RHBDL3: variants seen among roughly 807,000 people sequenced by gnomAD.
The protein encoded by RHBDL3 is rhomboid like 3.
In RHBDL3, 28 loss-of-function variants were observed where a neutral mutation model predicts 48.2. The ratio of observed to expected loss-of-function variants is 0.58; its 90% CI spans 0.43 to 0.80. The LOEUF is 0.80. Ranked by LOEUF, RHBDL3 falls within the 30% of genes least tolerant of loss-of-function variation. RHBDL3 has a pLI of 0.00. For synonymous variants in RHBDL3, 208 were observed against 232.3 expected, an observed-to-expected ratio of 0.90 and a Z score of 0.95; for missense variants, 464 against 542.7, an observed-to-expected ratio of 0.85 and a Z score of 1.44.
intron 8 of RHBDL3, among the ~76,000 whole-genome samples, chr17:32,319,118 T>A (rs1465198085): frequency 6.6e-6 from 1 of 150,460 alleles, no homozygotes; most frequent in East Asian, 1.9e-4. Flanking sequence ...ACGAGTCTTG[T>A]TGTTTAAAAA....
chr17:32,298,505 A>G (rs2040508083), intron 6 of RHBDL3, among the ~76,000 whole-genome samples: 1 of 152,208 alleles, frequency 6.6e-6, no homozygotes, highest in Admixed American at 6.5e-5. Context: ...AGCTTGGGGA[A>G]ATTTCCTAAC....
At chr17:32,300,644 A>G (rs1319459525) in intron 6 of RHBDL3, among the ~76,000 whole-genome samples, 5 of 152,176 alleles carry the variant, frequency 3.3e-5, no homozygotes, top group Non-Finnish European at 5.9e-5. Flanking sequence ...AGTGTTTCCA[A>G]TCCACACTTT....
chr17:32,294,274 ACTCT>A lies in RHBDL3; in HGVS notation c.520-13_520-10del, dbSNP rs1490375909. On this transcript the variant is annotated splice_polypyrimidine_tract_variant and intron_variant, in intron 4 of 8. Coordinates refer to ENST00000269051, the MANE Select transcript of RHBDL3 (RefSeq NM_138328.3). Reference sequence around the variant, plus strand: ...CTGGGCAGTGTGCACCTAGTAACAGACTCTCTCTCTTCTGTCCAGGTTGCCTTTT... The same window carrying A: ...CTGGGCAGTGTGCACCTAGTAACAGACTCTCTTCTGTCCAGGTTGCCTTTT... 3 of 1,609,930 alleles carry A rather than the reference ACTCT, an allele frequency of 1.9e-6. No homozygotes were observed. The highest frequency in any genetic ancestry group is 1.1e-5 in the South Asian group (1 of 90,434).
Position 32,321,029 on chromosome 17 carries a change from AGCTTTGT to A in RHBDL3, c.1017_1023del (p.Ser339ArgfsTer18). 1 of 1,614,174 alleles carries A rather than the reference AGCTTTGT, an allele frequency of 6.2e-7. No individual in the cohort carries two copies. Among genetic ancestry groups the A allele is most frequent in the South Asian group, 1.1e-5 (1 of 91,086 alleles). On this transcript the variant is annotated frameshift_variant, in exon 9 of 9. Transcript: ENST00000269051. LOFTEE classifies it high-confidence loss of function. The stretch of plus-strand genomic sequence containing the variant: ...GGCCTATCCCCCGTGCCCTCACCCA[AGCTTTGT>A]GGCGCACTTGGGTGGCGTGGCCGTG...
At chr17:32,286,182 A>G (rs1291816226) in intron 3 of RHBDL3, among the ~76,000 whole-genome samples, 2 of 152,212 alleles carry the variant, frequency 1.3e-5, no homozygotes. Context: ...ATCCACAGCC[A>G]CAGCCCCAGC....
chr17:32,278,768 A>G (rs1489062481), intron 2 of RHBDL3, among the ~76,000 whole-genome samples: 1 of 152,178 alleles, frequency 6.6e-6, no homozygotes, highest in Non-Finnish European at 1.5e-5. Context: ...TGTGAGATTT[A>G]AATAGGGGGG....
intron 6 of RHBDL3, among the ~76,000 whole-genome samples, chr17:32,302,038 A>G (rs548669601): frequency 2.0e-5 from 3 of 152,238 alleles, no homozygotes; most frequent in Non-Finnish European, 4.4e-5. Flanking sequence ...TGCAGGATAC[A>G]GAATTTGTAA....
chr17:32,276,834 C>A (rs74511107), intron 2 of RHBDL3, among the ~76,000 whole-genome samples: 10 of 52,482 alleles, frequency 1.9e-4, no homozygotes, highest in African/African-American at 1.6e-3. Flanking sequence ...GCCCTAGCAC[C>A]TTACTCCGGC....
chr17:32,315,697 C>T (rs2040954517), intron 7 of RHBDL3, among the ~76,000 whole-genome samples: 1 of 151,784 alleles, frequency 6.6e-6, no homozygotes, highest in Non-Finnish European at 1.5e-5. Context: ...AGTTTTCATC[C>T]ATTGCATCTT....
At chr17:32,267,989 G>GAAATCGGTCTCAGTCTC in intron 2 of RHBDL3, 64 bp downstream of exon 2, 1 of 1,248,882 alleles carries the variant, frequency 8.0e-7, no homozygotes, top group Non-Finnish European at 1.2e-6. Flanking sequence ...CAGTCTCCCT[G>GAAATCGGTCTCAGTCTC]CTTGCGTGGG....
At chr17:32,320,115 AT>A (rs980137497) in intron 8 of RHBDL3, among the ~76,000 whole-genome samples, 20 of 150,242 alleles carry the variant, frequency 1.3e-4, no homozygotes, top group South Asian at 4.3e-4. Context: ...AAAAAAAAAA[AT>A]TTTTTTTTTA....
At chr17:32,272,836 A>G (rs937827437) in intron 2 of RHBDL3, among the ~76,000 whole-genome samples, 1 of 152,160 alleles carries the variant, frequency 6.6e-6, no homozygotes, top group Non-Finnish European at 1.5e-5. Flanking sequence ...CTCTGCATGC[A>G]TTGTCTTGGG....
chr17:32,294,165 T>G (rs1597653015), intron 4 of RHBDL3, 129 bp from the exon 5 acceptor site: 4 of 643,976 alleles, frequency 6.2e-6, no homozygotes, highest in East Asian at 3.1e-5. Context: ...GCCCTGGCTG[T>G]GGGGTATCCC....
intron 3 of RHBDL3, among the ~76,000 whole-genome samples, chr17:32,288,035 G>C (rs1424253021): frequency 9.9e-5 from 15 of 152,200 alleles, no homozygotes; most frequent in Admixed American, 9.8e-4. Flanking sequence ...CAGTCTTTGG[G>C]CTTGCTGGGC....
At chr17:32,289,098 G>C (rs547014704) in intron 4 of RHBDL3, 82 bp downstream of exon 4, 1 of 1,056,732 alleles carries the variant, frequency 9.5e-7, no homozygotes, top group African/African-American at 1.6e-5. Flanking sequence ...ATGACACACA[G>C]ATCATGGGGG....
At chr17:32,311,785 T>C (rs2040852311) in intron 7 of RHBDL3, among the ~76,000 whole-genome samples, 1 of 152,232 alleles carries the variant, frequency 6.6e-6, no homozygotes, top group Non-Finnish European at 1.5e-5. Context: ...CAAGATACTG[T>C]CACACATTTA....
At chr17:32,298,676 C>T (rs1298164795) in intron 6 of RHBDL3, among the ~76,000 whole-genome samples, 2 of 152,228 alleles carry the variant, frequency 1.3e-5, no homozygotes, top group African/African-American at 4.8e-5. Flanking sequence ...GTGAGTGGAG[C>T]CAGGTACCAC....
chr17:32,316,170 C>T (rs2040967722), intron 7 of RHBDL3, 62 bp from the exon 8 acceptor site: 5 of 1,216,798 alleles, frequency 4.1e-6, no homozygotes, highest in Non-Finnish European at 6.1e-6. Context: ...TTTTCTTAAG[C>T]AAGACACACC....
In RHBDL3 at chr17:32,304,834, G is replaced by A. The variant is rs139371057; in HGVS notation, c.782-507G>A. Among the ~76,000 whole-genome samples, 62 of 152,258 alleles carry A rather than the reference G, an allele frequency of 4.1e-4. 1 individual carries two copies. The highest frequency in any genetic ancestry group is 1.4e-3 in the African/African-American group (60 of 41,568). ...AATTAATCCTCTAAGAAATGCACTG[G>A]AGGCAGGGCTCTGTGGCTCACACCT... On this transcript the variant is annotated intron_variant, in intron 6 of 8. Transcript: ENST00000269051.
Sources: gnomAD v4.1 joint callset for allele counts (sites outside exome capture counted in the v4.1 genomes callset) on GRCh38, gnomAD v4.1.1 for gene constraint, MANE v1.5 for transcripts, NCBI Gene and HGNC (gene_info 2026-07-23, HGNC 2026-07-21) for gene names.